The following SLC16A12 variants were observed in gnomAD, a reference collection of about 807,000 sequenced individuals.
The protein encoded by SLC16A12 is monocarboxylate transporter 12.
A neutral mutation model predicts 42.4 loss-of-function variants in SLC16A12; 17 were observed. The observed-to-expected ratio is 0.40, with a 90% CI of 0.27 to 0.60. SLC16A12 has a LOEUF of 0.60. SLC16A12 is among the 20% of genes least tolerant of loss of function. The pLI, the probability that SLC16A12 is intolerant of heterozygous loss-of-function variation, is 0.42. For missense variants in SLC16A12, 544 were observed against 623.0 expected (o/e 0.87, Z 1.35); for synonymous variants, 224 against 229.4 (o/e 0.98, Z 0.21).
intron 2 of SLC16A12, among the ~76,000 whole-genome samples, chr10:89,469,550 T>G (rs527249257): frequency 2.4e-4 from 37 of 152,330 alleles, no homozygotes; most frequent in Non-Finnish European, 4.9e-4. Flanking sequence ...TAGAACCACT[T>G]GTTTTGGAAG....
chr10:89,466,447 T>G (rs1314224450), intron 2 of SLC16A12, among the ~76,000 whole-genome samples: 1 of 152,188 alleles, frequency 6.6e-6, no homozygotes, highest in African/African-American at 2.4e-5. Context: ...GCTTTCTTGT[T>G]TGTACAAAAA....
intron 3 of SLC16A12, among the ~76,000 whole-genome samples, chr10:89,454,978 G>A (rs957387548): frequency 2.6e-5 from 4 of 152,060 alleles, no homozygotes; most frequent in African/African-American, 9.7e-5. Context: ...AAGGAAAGGA[G>A]GAAGGATTAA....
At chr10:89,452,216 C>T (rs187266518) in intron 3 of SLC16A12, among the ~76,000 whole-genome samples, 8 of 152,166 alleles carry the variant, frequency 5.3e-5, no homozygotes, top group Admixed American at 2.0e-4. Flanking sequence ...AGGAGAATGT[C>T]GATAGGATGT....
intron 2 of SLC16A12, among the ~76,000 whole-genome samples, chr10:89,467,861 T>C (rs1001873870): frequency 2.0e-5 from 3 of 152,210 alleles, no homozygotes; most frequent in African/African-American, 7.2e-5. Context: ...CTATCATTTA[T>C]TGATATGGCA....
chr10:89,527,781 G>C (rs1050206468), intron 2 of SLC16A12, among the ~76,000 whole-genome samples: 1 of 151,568 alleles, frequency 6.6e-6, no homozygotes, highest in Non-Finnish European at 1.5e-5. Context: ...TCCAGCCTGG[G>C]TGACAGTGAG....
intron 2 of SLC16A12, among the ~76,000 whole-genome samples, chr10:89,484,133 A>G (rs1842713325): frequency 1.3e-5 from 2 of 152,204 alleles, no homozygotes; most frequent in African/African-American, 2.4e-5. Flanking sequence ...AAAAGAAAAA[A>G]GTTACTAAGT....
chr10:89,520,316 C>T (rs1228217358), intron 2 of SLC16A12, among the ~76,000 whole-genome samples: 1 of 152,106 alleles, frequency 6.6e-6, no homozygotes, highest in Non-Finnish European at 1.5e-5. Flanking sequence ...AAGATCATCT[C>T]ACACAATGCT....
At chr10:89,499,363 T>C (rs1438509862) in intron 2 of SLC16A12, among the ~76,000 whole-genome samples, 2 of 152,160 alleles carry the variant, frequency 1.3e-5, no homozygotes, top group Non-Finnish European at 2.9e-5. Context: ...AAGACCAGCC[T>C]GACCAACATG....
At chr10:89,539,955 TTTC>T (rs201599720), upstream of SLC16A12, among the ~76,000 whole-genome samples, 5,909 of 149,446 alleles carry the variant, frequency 0.04, 318 homozygotes, top group African/African-American at 0.12. Context: ...TTTCTCTTTC[TTTC>T]TTCTTTCTTT....
At chr10:89,546,952 A>G (rs540593934) in intron 2 of SLC16A12, among the ~76,000 whole-genome samples, 7 of 152,330 alleles carry the variant, frequency 4.6e-5, no homozygotes, top group African/African-American at 1.4e-4. Flanking sequence ...CAAACACCGC[A>G]TATTCTCCCT....
At chr10:89,545,019 T>C (rs1007399924) in intron 2 of SLC16A12, among the ~76,000 whole-genome samples, 3 of 152,066 alleles carry the variant, frequency 2.0e-5, no homozygotes, top group Non-Finnish European at 4.4e-5. Flanking sequence ...CCTTAAGGGG[T>C]TATACCTCCA....
chr10:89,451,537 G>A lies in SLC16A12; in HGVS notation c.201-7678C>T, dbSNP rs568655678. On this transcript the variant is annotated intron_variant, in intron 3 of 7. Coordinates refer to ENST00000371790, the MANE Select transcript of SLC16A12 (RefSeq NM_213606.4). ...AGCAATTATCCTGTCTCAGCCTCCC[G>A]AGTAGCTGGGATTACAGGCGCCCGC... Among the ~76,000 whole-genome samples the A allele has an allele frequency of 7.5e-3, 1,146 of 151,954 alleles. 7 individuals are homozygous for A. The highest frequency in any genetic ancestry group is 0.025 in the African/African-American group (1,048 of 41,422).
upstream of SLC16A12, among the ~76,000 whole-genome samples, chr10:89,539,723 CTAAT>C (rs1182048076): frequency 6.6e-6 from 1 of 152,078 alleles, no homozygotes; most frequent in Non-Finnish European, 1.5e-5. Flanking sequence ...GTTCTCATGA[CTAAT>C]TAAGATTTTA....
intron 2 of SLC16A12, among the ~76,000 whole-genome samples, chr10:89,475,422 T>C (rs145935278): frequency 2.5e-4 from 38 of 152,302 alleles, no homozygotes; most frequent in Middle Eastern, 3.4e-3. Flanking sequence ...CCCAATTGTT[T>C]TCATCCACTT....
In SLC16A12 at chr10:89,441,274, G is replaced by C; in HGVS notation, c.305-23C>G. On this transcript the variant is annotated intron_variant, in intron 4 of 7. Transcript: ENST00000371790. ...GAGCTTCAAAAACAATAAGAAATAG[G>C]TTCAACAGAAAGGCCTTGAGGGCAC... The C allele has an allele frequency of 1.9e-6, 3 of 1,613,740 alleles. 1 individual carries two copies. The South Asian group carries it at 3.3e-5, about 18-fold the overall frequency.
intron 2 of SLC16A12, among the ~76,000 whole-genome samples, chr10:89,511,672 G>T (rs1243809634): frequency 6.6e-6 from 1 of 152,158 alleles, no homozygotes; most frequent in Non-Finnish European, 1.5e-5. Flanking sequence ...CATGGCACAT[G>T]TATACCTCTG....
At chr10:89,435,957 A>G in intron 7 of SLC16A12, 103 bp downstream of exon 7, 2 of 1,522,962 alleles carry the variant, frequency 1.3e-6, no homozygotes, top group South Asian at 2.4e-5. Flanking sequence ...ACTCTTCCCC[A>G]ACTCTCTTGA....
At chr10:89,516,233 C>G (rs1323250631) in intron 2 of SLC16A12, among the ~76,000 whole-genome samples, 1 of 152,114 alleles carries the variant, frequency 6.6e-6, no homozygotes, top group Non-Finnish European at 1.5e-5. Flanking sequence ...TCACCAAGAG[C>G]GGAACTTAAG....
intron 2 of SLC16A12, among the ~76,000 whole-genome samples, chr10:89,487,459 A>T (rs528936108): frequency 1.3e-5 from 2 of 152,078 alleles, no homozygotes; most frequent in Non-Finnish European, 2.9e-5. Flanking sequence ...TAAAAATAGA[A>T]CTACCATTCA....
Sources: gnomAD v4.1 joint callset for allele counts (sites outside exome capture counted in the v4.1 genomes callset) on GRCh38, gnomAD v4.1.1 for gene constraint, MANE v1.5 for transcripts, NCBI Gene and HGNC (gene_info 2026-07-23, HGNC 2026-07-21) for gene names.